ZFYVE16: variants seen among roughly 807,000 people sequenced by gnomAD.
The protein encoded by ZFYVE16 is zinc finger FYVE-type containing 16, also known as zinc finger FYVE domain-containing protein 16.
A neutral mutation model predicts 138.1 loss-of-function variants in ZFYVE16; 89 were observed. The observed-to-expected ratio is 0.64, with a 90% CI of 0.54 to 0.77. ZFYVE16 has a LOEUF of 0.77. Ranked by LOEUF, ZFYVE16 falls within the 30% of genes least tolerant of loss-of-function variation. The pLI is 0.00. For synonymous variants in ZFYVE16, 596 were observed against 618.3 expected, an observed-to-expected ratio of 0.96 and a Z score of 0.53; for missense variants, 1,793 against 1,786.7, an observed-to-expected ratio of 1.00 and a Z score of -0.06.
intron 15 of ZFYVE16, among the ~76,000 whole-genome samples, chr5:80,468,871 TTGCAATTCTTA>T (rs2112532413): frequency 6.6e-6 from 1 of 152,268 alleles, no homozygotes; most frequent in South Asian, 2.1e-4. Context: ...GCTTTTTTCT[TTGCAATTCTTA>T]TGCTTTTTAT....
At chr5:80,425,541 A>G (rs146533148) in intron 1 of ZFYVE16, among the ~76,000 whole-genome samples, 1 of 152,278 alleles carries the variant, frequency 6.6e-6, no homozygotes, top group East Asian at 1.9e-4. Flanking sequence ...GTTTCATTGT[A>G]TTTTTAAAAA....
At position 80,437,489 on chromosome 5, in the gene ZFYVE16, A is replaced by G; in HGVS notation, c.804A>G (p.Pro268=). The change falls in exon 4 of 19, where the codon CCA becomes CCG. Residue 268 remains proline, a synonymous_variant. Transcript: ENST00000505560. ...AKDKLQHKSQ[P]CGLLKDVGLV... is the part of the protein sequence containing the mutation. ...ACAAGCTACAACACAAGAGCCAGCC[A>G]TGTGGATTACTAAAAGATGTTGGCT... The G allele has an allele frequency of 6.2e-7, 1 of 1,611,512 alleles. No homozygotes were observed. Among genetic ancestry groups the G allele is most frequent in the Non-Finnish European group, 8.5e-7 (1 of 1,179,172 alleles).
chr5:80,474,886 T>C, intron 18 of ZFYVE16, 56 bp downstream of exon 18: 1 of 1,543,874 alleles, frequency 6.5e-7, no homozygotes, highest in Non-Finnish European at 8.7e-7. Flanking sequence ...TATTAACAAG[T>C]TTTTCTTCAA....
chr5:80,437,225 T>C lies in ZFYVE16; in HGVS notation c.540T>C (p.His180=), dbSNP rs1750054375. 1.9e-6 allele frequency: 3 copies of C among 1,613,870 alleles called. No individual in the cohort carries two copies. The South Asian group carries it at 3.3e-5, about 18-fold the overall frequency. The change falls in exon 4 of 19, where the codon CAT becomes CAC. Residue 180 remains histidine (H), a synonymous_variant. Coordinates refer to ENST00000505560, the MANE Select transcript of ZFYVE16 (RefSeq NM_001284236.3). ...CTCCCTGTGTTTCTTCAACAGACCATGATAGTGATACTGTCAGAGAACAAC... is the reference window on the plus strand; with the variant it reads ...CTCCCTGTGTTTCTTCAACAGACCACGATAGTGATACTGTCAGAGAACAAC... The part of the protein sequence containing the change: ...SDTPCVSSTD[H]DSDTVREQQN...
chr5:80,438,255 A>C lies in ZFYVE16; in HGVS notation c.1570A>C (p.Ser524Arg). Residue 524 changes from serine (S) to arginine (R), a missense_variant, in exon 4 of 19, where the codon AGT (serine) becomes CGT (arginine). Transcript: ENST00000505560. ...CTTTAATATTGATGAAGGCGCAAAAAGTGGCCCACTAATTAGTGATGCTGA... is the reference window on the plus strand; with the variant it reads ...CTTTAATATTGATGAAGGCGCAAAACGTGGCCCACTAATTAGTGATGCTGA... ...DYFNIDEGAK[S>R]GPLISDAELD... The C allele has an allele frequency of 6.2e-7, 1 of 1,614,066 alleles. No homozygotes were observed. The highest frequency in any genetic ancestry group is 2.2e-5 in the East Asian group (1 of 44,864).
chr5:80,439,807 A>G, intron 4 of ZFYVE16, 129 bp from the exon 5 acceptor site: 1 of 520,196 alleles, frequency 1.9e-6, no homozygotes, highest in Non-Finnish European at 3.2e-6. Flanking sequence ...GATTATGGTG[A>G]TTAGGAAATG....
intron 15 of ZFYVE16, among the ~76,000 whole-genome samples, chr5:80,460,122 T>G (rs1752949275): frequency 6.6e-6 from 1 of 152,194 alleles, no homozygotes; most frequent in Non-Finnish European, 1.5e-5. Flanking sequence ...TATATAAAAT[T>G]TATGATTGGT....
intron 18 of ZFYVE16, among the ~76,000 whole-genome samples, chr5:80,475,253 T>C (rs1754784414): frequency 6.6e-6 from 1 of 152,256 alleles, no homozygotes; most frequent in Non-Finnish European, 1.5e-5. Flanking sequence ...AATTTACTTA[T>C]CTGACTAAAT....
chr5:80,408,075 T>G lies in ZFYVE16; in HGVS notation c.-172T>G, dbSNP rs1744854120. ...AGCCGGGATCTGGCACTCCCAGGAC[T>G]CCCGGCCGGGGTAGCTCTTCACTCC... On this transcript the variant is annotated 5_prime_UTR_variant, in exon 1 of 19. Transcript: ENST00000505560. 6.6e-6 allele frequency: 1 copy of G among 152,234 alleles called. No individual in the cohort carries two copies. Among genetic ancestry groups the G allele is most frequent in the African/African-American group, 2.4e-5 (1 of 41,450 alleles). 9.4% of individuals were successfully genotyped at this position (152,234 alleles called of 1,614,324 possible). A position where few individuals can be genotyped will look rare whatever the true frequency, so the allele number is the denominator to read the frequency against.
Position 80,455,738 on chromosome 5 carries a change from T to C in ZFYVE16, c.3654T>C (p.Phe1218=). The change falls in exon 12 of 19, where the codon TTT becomes TTC. Residue 1218 remains phenylalanine, a synonymous_variant. Transcript: ENST00000505560. The stretch of plus-strand genomic sequence containing the variant: ...GCATCAGAGGCCGAAAACCTCTTTT[T>C]GGAGAAATAGGACACACTATTATGA... ...LTSIRGRKPL[F]GEIGHTIMNL... The C allele has an allele frequency of 3.1e-6, 5 of 1,594,478 alleles. No individual in the cohort carries two copies. The highest frequency in any genetic ancestry group is 4.3e-6 in the Non-Finnish European group (5 of 1,174,994).
At chr5:80,468,697 TG>T (rs1350262200) in intron 15 of ZFYVE16, among the ~76,000 whole-genome samples, 2 of 152,200 alleles carry the variant, frequency 1.3e-5, no homozygotes, top group Non-Finnish European at 2.9e-5. Context: ...CCGATGTAAA[TG>T]GTATCTTATT....
At chr5:80,433,293 TG>T (rs1437878228) in intron 2 of ZFYVE16, among the ~76,000 whole-genome samples, 1 of 152,178 alleles carries the variant, frequency 6.6e-6, no homozygotes, top group Non-Finnish European at 1.5e-5. Flanking sequence ...TGTAGGGACA[TG>T]GATGAAGCTG....
intron 1 of ZFYVE16, among the ~76,000 whole-genome samples, chr5:80,416,247 A>AT (rs70988469): frequency 0.027 from 1,949 of 73,336 alleles, 272 homozygotes; most frequent in African/African-American, 0.086. Flanking sequence ...GAATACATAG[A>AT]TTTTTTTTTT....
Position 80,450,458 on chromosome 5 carries a change from C to T in ZFYVE16, c.3254C>T (p.Ser1085Leu). Reference protein sequence around the residue: ...FYSSDKYWYFSTNGLHGLGQA... With the variant: ...FYSSDKYWYFLTNGLHGLGQA... The stretch of plus-strand genomic sequence containing the variant: ...TCCTCAGACAAATATTGGTACTTTT[C>T]AACCAATGGATTGCATGGCTTGGGA... Residue 1085 changes from serine (S) to leucine (L), a missense_variant, in exon 10 of 19, where the codon TCA becomes TTA. Ser to Leu is a moderately radical substitution (Grantham distance 145). This residue lies in a region of ZFYVE16 where 498 missense variants were observed against 582.4 expected (regional missense o/e 0.86). Transcript: ENST00000505560. The T allele has an allele frequency of 6.2e-7, 1 of 1,613,434 alleles. No individual in the cohort carries two copies. Among genetic ancestry groups the T allele is most frequent in the Non-Finnish European group, 8.5e-7 (1 of 1,179,606 alleles).
chr5:80,475,738 ATTAT>A (rs1279414081), intron 18 of ZFYVE16, among the ~76,000 whole-genome samples: 1 of 152,182 alleles, frequency 6.6e-6, no homozygotes, highest in African/African-American at 2.4e-5. Flanking sequence ...TATCTAACTA[ATTAT>A]TCATGCATAT....
chr5:80,467,561 A>C (rs1243508940), intron 15 of ZFYVE16, among the ~76,000 whole-genome samples: 2 of 152,262 alleles, frequency 1.3e-5, no homozygotes, highest in Non-Finnish European at 2.9e-5. Flanking sequence ...CTACATATGT[A>C]TGACAAAGAA....
At chr5:80,422,257 G>T (rs1450272044) in intron 1 of ZFYVE16, among the ~76,000 whole-genome samples, 1 of 152,106 alleles carries the variant, frequency 6.6e-6, no homozygotes, top group Non-Finnish European at 1.5e-5. Context: ...CGCTAGCCAA[G>T]GCTTTCCGTA....
Position 80,436,853 on chromosome 5 carries a change from C to T in ZFYVE16, c.168C>T (p.Leu56=), listed in dbSNP as rs574887116. 1 of 1,614,098 alleles carries T rather than the reference C, an allele frequency of 6.2e-7. No individual in the cohort carries two copies. Among genetic ancestry groups the T allele is most frequent in the East Asian group, 2.2e-5 (1 of 44,874 alleles). ...CTTCCTCACAGCGAACTTCATTGCT[C>T]CCAAAAGACCAAGAGTGCGTTAATA... is the stretch of plus-strand genomic sequence containing the variant. ...ELASSQRTSL[L]PKDQECVNSC... Residue 56 remains leucine (L), a synonymous_variant, in exon 4 of 19, where the codon CTC becomes CTT. Transcript: ENST00000505560.
intron 7 of ZFYVE16, among the ~76,000 whole-genome samples, chr5:80,446,982 C>T (rs565990071): frequency 6.6e-6 from 1 of 152,184 alleles, no homozygotes; most frequent in East Asian, 1.9e-4. Context: ...GGATACTAGG[C>T]CTGGCGCGGT....
Sources: allele counts gnomAD v4.1 joint callset (sites outside exome capture counted in the v4.1 genomes callset), GRCh38; gene constraint gnomAD v4.1.1; regional missense constraint gnomAD v4.1.1; transcripts MANE v1.5; gene names NCBI Gene and HGNC (gene_info 2026-07-23, HGNC 2026-07-21).